FHOD3: variants seen among roughly 807,000 people sequenced by gnomAD.
FHOD3 encodes the protein FH1/FH2 domain-containing protein 3.
A neutral mutation model predicts 173.0 loss-of-function variants in FHOD3; 90 were observed. The ratio of observed to expected loss-of-function variants is 0.52; its 90% CI spans 0.44 to 0.62. The LOEUF (loss-of-function observed/expected upper bound fraction) is 0.62. FHOD3 is among the 20% of genes least tolerant of loss of function. FHOD3 has a pLI of 0.00. For missense variants in FHOD3, 1,945 were observed against 2,034.7 expected (o/e 0.96, Z 0.85); for synonymous variants, 828 against 823.0 (o/e 1.01, Z -0.10).
chr18:36,555,639 T>G (rs1037580952), intron 5 of FHOD3, among the ~76,000 whole-genome samples: 3 of 152,150 alleles, frequency 2.0e-5, no homozygotes, highest in African/African-American at 7.2e-5. Flanking sequence ...TTGTTGACGT[T>G]TCCAACCATA....
intron 1 of FHOD3, among the ~76,000 whole-genome samples, chr18:36,310,501 C>T (rs1249765554): frequency 6.6e-6 from 1 of 151,934 alleles, no homozygotes; most frequent in African/African-American, 2.4e-5. Context: ...GCCTGGCCAA[C>T]ATGGCGAAAC....
chr18:36,339,863 C>A (rs1023230415), intron 1 of FHOD3, among the ~76,000 whole-genome samples: 8 of 152,140 alleles, frequency 5.3e-5, no homozygotes, highest in African/African-American at 1.9e-4. Flanking sequence ...TTTTTTCCTG[C>A]TTTTTGAACA....
Position 36,703,608 on chromosome 18 carries a change from A to T in FHOD3, c.2237-5487A>T, listed in dbSNP as rs552002007. Among the ~76,000 whole-genome samples, 14 of 152,292 alleles carry T rather than the reference A, an allele frequency of 9.2e-5. 1 individual carries two copies. The South Asian group carries it at 2.9e-3, about 32-fold the overall frequency. On this transcript the variant is annotated intron_variant, in intron 17 of 28. Transcript: ENST00000590592. ...ATGTAGTAAGTTTGATTTTTACTGCACTTAGGCAAGCAGGACCTGATGTCC... is the reference window on the plus strand; with the variant it reads ...ATGTAGTAAGTTTGATTTTTACTGCTCTTAGGCAAGCAGGACCTGATGTCC...
chr18:36,452,290 A>G (rs1286122822), intron 3 of FHOD3, among the ~76,000 whole-genome samples: 1 of 152,086 alleles, frequency 6.6e-6, no homozygotes, highest in Non-Finnish European at 1.5e-5. Flanking sequence ...ATTAATGATG[A>G]GTCTACCCAC....
In FHOD3 at chr18:36,437,252, G is replaced by A. The variant is rs139808579; in HGVS notation, c.337+64508G>A. Among the ~76,000 whole-genome samples the A allele has an allele frequency of 1.3e-3, 201 of 152,268 alleles. 3 individuals carry two copies. The East Asian group carries it at 0.036, about 27-fold the overall frequency. Reference sequence around the variant, plus strand: ...CCCACCCAAGCCTCCCAAGTAGCTAGGACTAGAGGGGTGGGCCACCACACT... The same window carrying A: ...CCCACCCAAGCCTCCCAAGTAGCTAAGACTAGAGGGGTGGGCCACCACACT... On this transcript the variant is annotated intron_variant, in intron 3 of 28. Transcript: ENST00000590592.
At chr18:36,699,390 C>G (rs1465465149) in intron 17 of FHOD3, among the ~76,000 whole-genome samples, 2 of 152,220 alleles carry the variant, frequency 1.3e-5, no homozygotes, top group African/African-American at 4.8e-5. Flanking sequence ...CACAGAGAAT[C>G]TGGCTTGTTG....
At chr18:36,454,962 G>T (rs1241677238) in intron 3 of FHOD3, among the ~76,000 whole-genome samples, 1 of 152,140 alleles carries the variant, frequency 6.6e-6, no homozygotes, top group Non-Finnish European at 1.5e-5. Context: ...TCTCTCATCT[G>T]CAGAGTCCCA....
chr18:36,650,210 T>C (rs1489928307), intron 11 of FHOD3, among the ~76,000 whole-genome samples: 1 of 152,130 alleles, frequency 6.6e-6, no homozygotes, highest in Non-Finnish European at 1.5e-5. Context: ...ATTTTTACTT[T>C]TTTTTTTTTC....
chr18:36,460,138 C>T (rs1790625), intron 3 of FHOD3, among the ~76,000 whole-genome samples: 2 of 151,910 alleles, frequency 1.3e-5, no homozygotes, highest in South Asian at 2.1e-4. Flanking sequence ...GCATGACTTA[C>T]GACTTGATGT....
intron 9 of FHOD3, among the ~76,000 whole-genome samples, chr18:36,616,813 A>C (rs953903147): frequency 3.9e-5 from 6 of 152,250 alleles, no homozygotes; most frequent in Non-Finnish European, 5.9e-5. Context: ...TTGGCTAATC[A>C]GAGATCTTTC....
chr18:36,488,015 T>C (rs1708694), intron 3 of FHOD3, among the ~76,000 whole-genome samples: 68,864 of 152,148 alleles, frequency 0.45, 16,207 homozygotes, highest in South Asian at 0.59. Context: ...GTTGTTCTTC[T>C]GTTCCCCATT....
chr18:36,566,982 C>T (rs2058288701), intron 5 of FHOD3, among the ~76,000 whole-genome samples: 1 of 152,126 alleles, frequency 6.6e-6, no homozygotes, highest in Non-Finnish European at 1.5e-5. Context: ...CATTACTGGT[C>T]TTATTAGATG....
chr18:36,472,825 T>A (rs2053360021), intron 3 of FHOD3, among the ~76,000 whole-genome samples: 1 of 152,184 alleles, frequency 6.6e-6, no homozygotes, highest in Non-Finnish European at 1.5e-5. Context: ...TTGATGGACA[T>A]TTGGGTTGTT....
intron 14 of FHOD3, among the ~76,000 whole-genome samples, chr18:36,674,785 A>G (rs140120626): frequency 2.1e-4 from 32 of 152,314 alleles, no homozygotes; most frequent in African/African-American, 7.0e-4. Context: ...GAAGACAAAC[A>G]TGTAAAGCTG....
intron 5 of FHOD3, among the ~76,000 whole-genome samples, chr18:36,568,610 A>G (rs1175128779): frequency 6.6e-6 from 1 of 151,950 alleles, no homozygotes; most frequent in Non-Finnish European, 1.5e-5. Flanking sequence ...TGTAGTACAC[A>G]TACAGAGCTC....
intron 3 of FHOD3, among the ~76,000 whole-genome samples, chr18:36,380,544 T>C (rs759538974): frequency 5.2e-5 from 5 of 95,600 alleles, no homozygotes; most frequent in Non-Finnish European, 1.1e-4. Flanking sequence ...TTTCTCTCTC[T>C]TTCTTTTGTT....
intron 28 of FHOD3, among the ~76,000 whole-genome samples, chr18:36,773,899 C>T (rs2043508332): frequency 6.6e-6 from 1 of 152,194 alleles, no homozygotes; most frequent in South Asian, 2.1e-4. Flanking sequence ...GTCAGCATAG[C>T]ACTTGGCTAG....
At chr18:36,491,038 A>G (rs1288173481) in intron 3 of FHOD3, among the ~76,000 whole-genome samples, 1 of 152,162 alleles carries the variant, frequency 6.6e-6, no homozygotes, top group African/African-American at 2.4e-5. Context: ...CAGGGGCTGG[A>G]GGGAAACCAC....
intron 1 of FHOD3, among the ~76,000 whole-genome samples, chr18:36,346,898 T>C (rs1483280827): frequency 1.3e-5 from 2 of 152,178 alleles, no homozygotes; most frequent in Non-Finnish European, 2.9e-5. Flanking sequence ...GTGACAGGAC[T>C]TTTGCATCCA....
Sources: allele counts gnomAD v4.1 joint callset (sites outside exome capture counted in the v4.1 genomes callset), GRCh38; gene constraint gnomAD v4.1.1; transcripts MANE v1.5; gene names NCBI Gene and HGNC (gene_info 2026-07-23, HGNC 2026-07-21).